The following EYS variants were observed in gnomAD, a reference collection of about 807,000 sequenced individuals.
EYS encodes the protein EGF-like photoreceptor maintenance factor, also known as protein eyes shut homolog.
A neutral mutation model predicts 282.1 loss-of-function variants in EYS; 250 were observed. The ratio of observed to expected loss-of-function variants is 0.89; its 90% CI spans 0.80 to 0.98. The LOEUF (loss-of-function observed/expected upper bound fraction) is 0.98, where lower values mean the gene tolerates loss of function less well. Among genes scored for constraint, EYS ranks in the 50% least tolerant of loss-of-function variants. The probability of loss-of-function intolerance (pLI) is 0.00; values close to 1 mark genes in which losing one functional copy is unlikely to be tolerated. For missense variants in EYS, 4,016 were observed against 3,709.0 expected (o/e 1.08, Z -2.15); for synonymous variants, 1,355 against 1,282.9 (o/e 1.06, Z -1.20).
At chr6:64,902,737 C>G (rs963744596) in intron 16 of EYS, among the ~76,000 whole-genome samples, 1 of 152,066 alleles carries the variant, frequency 6.6e-6, no homozygotes, top group Non-Finnish European at 1.5e-5. Context: ...TCCACTAAAT[C>G]CCCTGAGAAG....
intron 36 of EYS, among the ~76,000 whole-genome samples, chr6:63,863,294 T>C (rs1243307362): frequency 6.6e-6 from 1 of 152,254 alleles, no homozygotes; most frequent in Non-Finnish European, 1.5e-5. Context: ...AACATTAAAT[T>C]CTTAGGCAAT....
At chr6:65,052,939 G>GA (rs1168198733) in intron 13 of EYS, among the ~76,000 whole-genome samples, 1 of 151,494 alleles carries the variant, frequency 6.6e-6, no homozygotes, top group Admixed American at 6.6e-5. Flanking sequence ...AAAAAATGAA[G>GA]AAAAAAGATT....
At chr6:65,121,406 C>A (rs1438925405) in intron 12 of EYS, among the ~76,000 whole-genome samples, 2 of 152,078 alleles carry the variant, frequency 1.3e-5, no homozygotes, top group African/African-American at 2.4e-5. Flanking sequence ...AAGTTTCCAG[C>A]CTTATTTCAT....
At chr6:65,207,647 C>A (rs1054579875) in intron 12 of EYS, among the ~76,000 whole-genome samples, 9 of 151,562 alleles carry the variant, frequency 5.9e-5, no homozygotes, top group African/African-American at 2.2e-4. Context: ...GGTATACGAA[C>A]CAAAAGATCA....
Position 64,714,520 on chromosome 6 carries a change from T to TC in EYS, c.3444-88276_3444-88275insG, listed in dbSNP as rs1442316478. On this transcript the variant is annotated intron_variant, in intron 22 of 42. Transcript: ENST00000503581. ...TGAAACACATTTTCTTTCTTTCTTTTTTTTTTTTTTTTTTTTTTTTTTTGA... is the reference window on the plus strand; with the variant it reads ...TGAAACACATTTTCTTTCTTTCTTTTCTTTTTTTTTTTTTTTTTTTTTTTGA... 2.1e-3 allele frequency among the ~76,000 whole-genome samples: 15 copies of TC among 7,044 alleles called. 1 individual carries two copies. The highest frequency in any genetic ancestry group is 2.8e-3 in the Admixed American group (2 of 704). 4.6% of individuals were successfully genotyped at this position (7,044 alleles called of 152,430 possible).
rs1412359513 is a variant in EYS, at chr6:64,308,960, GT to G, written c.6079-1879del. 2.0e-4 allele frequency among the ~76,000 whole-genome samples: 31 copies of G among 151,806 alleles called. No individual in the cohort carries two copies. In the East Asian group the frequency reaches 5.6e-3, roughly 27 times the overall value. On this transcript the variant is annotated intron_variant, in intron 29 of 42. Coordinates refer to ENST00000503581, the MANE Select transcript of EYS (RefSeq NM_001142800.2). ...TTAAAGTTTCTCTAGCTTTATTAAT[GT>G]TTTTAATTTTTAGATTTAATTCTTA...
At chr6:63,990,147 T>C (rs2149795812) in intron 34 of EYS, among the ~76,000 whole-genome samples, 1 of 151,776 alleles carries the variant, frequency 6.6e-6, no homozygotes, top group East Asian at 1.9e-4. Context: ...AGAAATTAAA[T>C]ATAATTTGGG....
intron 11 of EYS, among the ~76,000 whole-genome samples, chr6:65,315,126 T>C (rs1769265175): frequency 6.6e-6 from 1 of 152,054 alleles, no homozygotes; most frequent in South Asian, 2.1e-4. Flanking sequence ...AAATCACCAG[T>C]TGTCTGCTGA....
At position 64,262,543 on chromosome 6, in the gene EYS, A is replaced by G. The variant is rs527483392; in HGVS notation, c.6192-31719T>C. On this transcript the variant is annotated intron_variant, in intron 30 of 42. Coordinates refer to ENST00000503581, the MANE Select transcript of EYS (RefSeq NM_001142800.2). The stretch of plus-strand genomic sequence containing the variant: ...GTATGCTTTTTAAGACTCTATTTCT[A>G]TATCATCAATATCTAAGTAAAAATT... 1.1e-4 allele frequency among the ~76,000 whole-genome samples: 17 copies of G among 152,058 alleles called. No individual in the cohort carries two copies. In the South Asian group the frequency reaches 3.3e-3, roughly 30 times the overall value.
intron 36 of EYS, among the ~76,000 whole-genome samples, chr6:63,834,961 C>T (rs1399634388): frequency 1.4e-5 from 2 of 146,976 alleles, no homozygotes; most frequent in Admixed American, 1.4e-4. Context: ...GACAGAAAAA[C>T]AAACACCACA....
chr6:63,950,528 G>A (rs1765549739), intron 35 of EYS, among the ~76,000 whole-genome samples: 2 of 152,066 alleles, frequency 1.3e-5, no homozygotes, highest in Non-Finnish European at 2.9e-5. Flanking sequence ...GCACCCAGGT[G>A]ATTAAAAAGC....
intron 29 of EYS, chr6:64,377,829 T>G (rs1389107950): frequency 6.6e-6 from 1 of 152,136 alleles, no homozygotes; most frequent in African/African-American, 2.4e-5. Flanking sequence ...GTTGGAGCTA[T>G]GCTGACTGGG....
Position 63,789,061 on chromosome 6 carries a change from C to T in EYS, c.7575G>A (p.Leu2525=). The change falls in exon 38 of 43, where the codon CTG becomes CTA. Residue 2525 remains leucine, a synonymous_variant. Transcript: ENST00000503581. ...HLGKFFQEGW[L]KVDDHKNKSI... Reference sequence around the variant, plus strand: ...TGACGAAGGAATGACTCTTTACCTTCAGCCAGCCCTCTTGGAAGAACTTGC... The same window carrying T: ...TGACGAAGGAATGACTCTTTACCTTTAGCCAGCCCTCTTGGAAGAACTTGC... 6.4e-7 allele frequency: 1 copy of T among 1,551,318 alleles called. No individual in the cohort carries two copies. The highest frequency in any genetic ancestry group is 8.7e-7 in the Non-Finnish European group (1 of 1,146,734).
At chr6:65,285,362 A>G (rs1159337345) in intron 12 of EYS, among the ~76,000 whole-genome samples, 1 of 151,644 alleles carries the variant, frequency 6.6e-6, no homozygotes, top group African/African-American at 2.4e-5. Flanking sequence ...TCACCTTTAC[A>G]TTGTAGCAAA....
intron 12 of EYS, among the ~76,000 whole-genome samples, chr6:65,289,321 G>T (rs966169415): frequency 6.6e-6 from 1 of 150,884 alleles, no homozygotes; most frequent in Non-Finnish European, 1.5e-5. Context: ...TATTGGGTTT[G>T]TGTGTATGTA....
chr6:64,470,416 T>C (rs1428299477), intron 26 of EYS, among the ~76,000 whole-genome samples: 2 of 152,220 alleles, frequency 1.3e-5, no homozygotes, highest in East Asian at 3.8e-4. Flanking sequence ...ATAGATATTA[T>C]TTAAAAATAA....
chr6:65,088,109 C>T (rs2150175736), intron 12 of EYS, among the ~76,000 whole-genome samples: 1 of 152,272 alleles, frequency 6.6e-6, no homozygotes, highest in Non-Finnish European at 1.5e-5. Context: ...TAATCTGGAG[C>T]TGTGAGTCAA....
intron 26 of EYS, among the ~76,000 whole-genome samples, chr6:64,483,871 T>C (rs1776507278): frequency 6.6e-6 from 1 of 151,720 alleles, no homozygotes; most frequent in African/African-American, 2.4e-5. Context: ...GTGTGCTTTC[T>C]AAAATTCTAA....
At chr6:64,632,436 C>T (rs138250373) in intron 22 of EYS, among the ~76,000 whole-genome samples, 1 of 152,066 alleles carries the variant, frequency 6.6e-6, no homozygotes, top group South Asian at 2.1e-4. Flanking sequence ...ATTTTATTTA[C>T]CTGTGCTGTA....
Sources: gnomAD v4.1 joint callset for allele counts (sites outside exome capture counted in the v4.1 genomes callset) on GRCh38, gnomAD v4.1.1 for gene constraint, MANE v1.5 for transcripts, NCBI Gene and HGNC (gene_info 2026-07-23, HGNC 2026-07-21) for gene names.